The following USH2A variants were observed in gnomAD, a reference collection of about 807,000 sequenced individuals.
The protein encoded by USH2A is Usher syndrome 2A (autosomal recessive, mild).
In USH2A, 443 loss-of-function variants were observed where a neutral mutation model predicts 538.9. The ratio of observed to expected loss-of-function variants is 0.82; its 90% CI spans 0.76 to 0.89. USH2A has a LOEUF of 0.89. Ranked by LOEUF, USH2A falls within the 40% of genes least tolerant of loss-of-function variation. The pLI, the probability that USH2A is intolerant of heterozygous loss-of-function variation, is 0.00. For missense variants in USH2A, 6,633 were observed against 6,324.8 expected, an observed-to-expected ratio of 1.05 and a Z score of -1.65; for synonymous variants, 2,413 against 2,273.5, an observed-to-expected ratio of 1.06 and a Z score of -1.75.
chr1:216,206,916 A>AT (rs1169765310), intron 16 of USH2A, among the ~76,000 whole-genome samples: 3 of 152,134 alleles, frequency 2.0e-5, no homozygotes, highest in African/African-American at 7.2e-5. Flanking sequence ...AAAAGGAAAG[A>AT]TTTTTTCATA....
intron 9 of USH2A, among the ~76,000 whole-genome samples, chr1:216,317,868 TAA>T (rs1320050320): frequency 6.6e-6 from 1 of 151,698 alleles, no homozygotes; most frequent in Non-Finnish European, 1.5e-5. Context: ...AATAAATAAA[TAA>T]AAAAGATTGA....
chr1:215,637,722 T>G (rs1656539458), intron 69 of USH2A, among the ~76,000 whole-genome samples: 2 of 152,220 alleles, frequency 1.3e-5, no homozygotes, highest in Admixed American at 1.3e-4. Flanking sequence ...GAAACTATCC[T>G]TGACAATAAT....
At chr1:215,667,067 G>A (rs1473666562) in intron 64 of USH2A, among the ~76,000 whole-genome samples, 2 of 152,030 alleles carry the variant, frequency 1.3e-5, no homozygotes, top group Non-Finnish European at 2.9e-5. Context: ...CTCCAGCATG[G>A]CCACAGAGTG....
At chr1:215,640,250 T>C (rs1178751288) in intron 68 of USH2A, among the ~76,000 whole-genome samples, 10 of 152,194 alleles carry the variant, frequency 6.6e-5, no homozygotes, top group Non-Finnish European at 1.5e-5. Flanking sequence ...TCATTGACTA[T>C]GTATGGGTGC....
chr1:215,790,115 A>C lies in USH2A; in HGVS notation c.10126T>G (p.Tyr3376Asp), dbSNP rs150617613. The change falls in exon 51 of 72, where the codon TAT becomes GAT. Residue 3376 changes from tyrosine (Y) to aspartate (D), a missense_variant. Coordinates refer to ENST00000307340, the MANE Select transcript of USH2A (RefSeq NM_206933.4). ...KSQKCCNGVG[Y>D]NPLKYVCSDK... ...GAGCAAACATATTTCAAAGGATTAT[A>C]TCCAACTCCATTACAGCATTTCTGG... 15 of 1,613,698 alleles carry C rather than the reference A, an allele frequency of 9.3e-6. No individual in the cohort carries two copies. The African/African-American group carries it at 2.0e-4, about 22-fold the overall frequency.
chr1:216,192,674 C>A lies in USH2A; in HGVS notation c.4252-2307G>T, dbSNP rs150594296. Among the ~76,000 whole-genome samples, 120 of 151,972 alleles carry A rather than the reference C, an allele frequency of 7.9e-4. 1 individual carries two copies. Among genetic ancestry groups the A allele is most frequent in the African/African-American group, 2.7e-3 (114 of 41,462 alleles). ...CTGAGATTGCGCCACTGCACTCAAG[C>A]CTGGGTGACAGAGCGAGACTCTGTC... On this transcript the variant is annotated intron_variant, in intron 19 of 71. Transcript: ENST00000307340.
chr1:216,188,141 G>C (rs909419550), intron 20 of USH2A, among the ~76,000 whole-genome samples: 3 of 151,652 alleles, frequency 2.0e-5, no homozygotes, highest in African/African-American at 7.3e-5. Flanking sequence ...CGCCTCACCA[G>C]TAACTAAAAT....
At chr1:215,845,644 A>G (rs893297479) in intron 45 of USH2A, among the ~76,000 whole-genome samples, 180 bp downstream of exon 45, 7 of 152,196 alleles carry the variant, frequency 4.6e-5, no homozygotes, top group African/African-American at 1.7e-4. Flanking sequence ...TTCTGTCTCA[A>G]TGGGACTGCT....
intron 11 of USH2A, among the ~76,000 whole-genome samples, chr1:216,281,090 T>G (rs776132513): frequency 6.6e-6 from 1 of 152,184 alleles, no homozygotes; most frequent in African/African-American, 2.4e-5. Context: ...AAGGTAGACT[T>G]GACACAATAT....
chr1:216,225,764 T>C (rs1474304893), intron 14 of USH2A, among the ~76,000 whole-genome samples: 1 of 152,108 alleles, frequency 6.6e-6, no homozygotes, highest in African/African-American at 2.4e-5. Context: ...GATGATAGCA[T>C]GAGATGGCAT....
At chr1:216,208,745 C>G (rs1037695609) in intron 15 of USH2A, among the ~76,000 whole-genome samples, 4 of 152,130 alleles carry the variant, frequency 2.6e-5, no homozygotes, top group Non-Finnish European at 5.9e-5. Flanking sequence ...AATTCATCAA[C>G]AAAGGGAAAA....
At chr1:215,906,816 T>A (rs1209615298) in intron 38 of USH2A, among the ~76,000 whole-genome samples, 2 of 151,994 alleles carry the variant, frequency 1.3e-5, no homozygotes, top group African/African-American at 4.8e-5. Context: ...AGAGAAAGAG[T>A]ATATTTTAAA....
chr1:216,246,444 G>T, intron 13 of USH2A, 141 bp downstream of exon 13: 1 of 994,826 alleles, frequency 1.0e-6, no homozygotes, highest in Non-Finnish European at 1.5e-6. Flanking sequence ...AGTTATATAT[G>T]TGTTGGATAA....
At chr1:215,741,560 T>G (rs113154466) in intron 59 of USH2A, 23 bp from the exon 60 acceptor site, 5 of 1,606,656 alleles carry the variant, frequency 3.1e-6, no homozygotes, top group African/African-American at 2.7e-5. Context: ...AAAATTGAGG[T>G]CTTTATTATT....
chr1:216,058,862 GATAAGT>G (rs1414875160), intron 30 of USH2A, among the ~76,000 whole-genome samples: 1 of 152,130 alleles, frequency 6.6e-6, no homozygotes, highest in Non-Finnish European at 1.5e-5. Context: ...ATTCTTTTAA[GATAAGT>G]ATATTAATCA....
chr1:215,863,848 T>C (rs1664395145), intron 44 of USH2A, among the ~76,000 whole-genome samples: 1 of 151,286 alleles, frequency 6.6e-6, no homozygotes, highest in South Asian at 2.1e-4. Flanking sequence ...AGAAGGAAGA[T>C]GGAAAAAAAG....
At chr1:216,224,678 C>A (rs1268350589) in intron 14 of USH2A, among the ~76,000 whole-genome samples, 1 of 151,682 alleles carries the variant, frequency 6.6e-6, no homozygotes, top group Non-Finnish European at 1.5e-5. Context: ...TTTATTTTGC[C>A]CTTGGGAATA....
intron 9 of USH2A, among the ~76,000 whole-genome samples, chr1:216,292,982 T>C (rs549269020): frequency 3.9e-5 from 6 of 152,152 alleles, no homozygotes; most frequent in East Asian, 1.9e-4. Flanking sequence ...AGTGCTTGCC[T>C]TCATCTCACC....
At chr1:215,654,661 A>G (rs1257228504) in intron 64 of USH2A, among the ~76,000 whole-genome samples, 1 of 152,228 alleles carries the variant, frequency 6.6e-6, no homozygotes, top group Non-Finnish European at 1.5e-5. Context: ...CATAGAAAAC[A>G]TAGATTAACT....
Sources: allele counts gnomAD v4.1 joint callset (sites outside exome capture counted in the v4.1 genomes callset), GRCh38; gene constraint gnomAD v4.1.1; transcripts MANE v1.5; gene names NCBI Gene and HGNC (gene_info 2026-07-23, HGNC 2026-07-21).